CNTNAP2: variants seen among roughly 807,000 people sequenced by gnomAD.
CNTNAP2 encodes the protein contactin-associated protein-like 2.
Under a neutral mutation model 155.2 loss-of-function variants are expected in CNTNAP2, and 98 were observed. The observed-to-expected ratio is 0.63, with a 90% confidence interval of 0.54 to 0.75. The LOEUF (loss-of-function observed/expected upper bound fraction) is 0.75. Ranked by LOEUF, CNTNAP2 falls within the 30% of genes least tolerant of loss-of-function variation. CNTNAP2 has a pLI of 0.00. For synonymous variants in CNTNAP2, 651 were observed against 631.2 expected, an observed-to-expected ratio of 1.03 and a Z score of -0.47; for missense variants, 1,727 against 1,688.1, an observed-to-expected ratio of 1.02 and a Z score of -0.40.
intron 1 of CNTNAP2, among the ~76,000 whole-genome samples, chr7:146,266,708 T>C (rs1410285756): frequency 6.6e-6 from 1 of 152,072 alleles, no homozygotes; most frequent in African/African-American, 2.4e-5. Context: ...AAGGAAAGAC[T>C]GTTCTAAGGA....
chr7:147,194,333 G>A (rs1366970902), intron 8 of CNTNAP2, among the ~76,000 whole-genome samples: 1 of 152,068 alleles, frequency 6.6e-6, no homozygotes, highest in Non-Finnish European at 1.5e-5. Context: ...GTCTATCATT[G>A]ATGGGCATTT....
At position 147,743,158 on chromosome 7, in the gene CNTNAP2, T is replaced by C. The variant is rs538361091; in HGVS notation, c.2098+103852T>C. Among the ~76,000 whole-genome samples the C allele has an allele frequency of 2.0e-5, 3 of 152,220 alleles. No individual in the cohort carries two copies. In the East Asian group the frequency reaches 5.8e-4, roughly 29 times the overall value. On this transcript the variant is annotated intron_variant, in intron 13 of 23. Coordinates refer to ENST00000361727, the MANE Select transcript of CNTNAP2 (RefSeq NM_014141.6). ...ATAGTCAGCTGCTTTAATTTAGGAG[T>C]AACACGAGAATGGGCCAGCCCCTAG...
intron 13 of CNTNAP2, among the ~76,000 whole-genome samples, chr7:147,769,721 T>C (rs1019622092): frequency 6.6e-6 from 1 of 152,172 alleles, no homozygotes; most frequent in African/African-American, 2.4e-5. Context: ...TATTAACATT[T>C]TTGTTTGCAT....
chr7:146,785,679 C>T lies in CNTNAP2; in HGVS notation c.208+11298C>T, dbSNP rs182513054. On this transcript the variant is annotated intron_variant, in intron 2 of 23. Coordinates refer to ENST00000361727, the MANE Select transcript of CNTNAP2 (RefSeq NM_014141.6). The stretch of plus-strand genomic sequence containing the variant: ...ATAGCAGATGAGTAACAACAACCAA[C>T]GCAATTATCATCATAAATAAACTAG... 5.3e-5 allele frequency among the ~76,000 whole-genome samples: 8 copies of T among 152,090 alleles called. No individual in the cohort carries two copies. The South Asian group carries it at 1.0e-3, about 20-fold the overall frequency.
rs547561485 is a variant in CNTNAP2, at chr7:146,462,352, G to C, written c.98-311919G>C. On this transcript the variant is annotated intron_variant, in intron 1 of 23. Transcript: ENST00000361727. ...TGAATGAGAATTAGTATGTTTACTA[G>C]CTCTGACTCATATGCAGAACCCTGA... Among the ~76,000 whole-genome samples, 136 of 151,990 alleles carry C rather than the reference G, an allele frequency of 8.9e-4. 1 individual carries two copies. Among genetic ancestry groups the C allele is most frequent in the Non-Finnish European group, 1.6e-3 (112 of 67,960 alleles).
At position 146,947,541 on chromosome 7, in the gene CNTNAP2, GTA is replaced by G. The variant is rs1167696947; in HGVS notation, c.403-96364_403-96363del. Among the ~76,000 whole-genome samples the G allele has an allele frequency of 2.3e-4, 18 of 76,674 alleles. 1 individual carries two copies. Among genetic ancestry groups the G allele is most frequent in the South Asian group, 1.8e-3 (4 of 2,176 alleles). 50.3% of individuals were successfully genotyped at this position (76,674 alleles called of 152,430 possible). A position where few individuals can be genotyped will look rare whatever the true frequency, so the allele number is the denominator to read the frequency against. ...AGTGTGTATGTATGTGTGTGTGTGT[GTA>G]TGTGTGTGTGTGTGTATATATATAT... On this transcript the variant is annotated intron_variant, in intron 3 of 23. Coordinates refer to ENST00000361727, the MANE Select transcript of CNTNAP2 (RefSeq NM_014141.6).
chr7:146,377,226 C>T (rs1795316031), intron 1 of CNTNAP2, among the ~76,000 whole-genome samples: 1 of 152,244 alleles, frequency 6.6e-6, no homozygotes, highest in South Asian at 2.1e-4. Flanking sequence ...GCAATGTGCT[C>T]TCTTTTGTAC....
intron 8 of CNTNAP2, among the ~76,000 whole-genome samples, chr7:147,204,306 G>A (rs1802977352): frequency 6.6e-6 from 1 of 151,944 alleles, no homozygotes; most frequent in Admixed American, 6.5e-5. Flanking sequence ...TAAAAATGTT[G>A]CATTTAAATT....
intron 3 of CNTNAP2, among the ~76,000 whole-genome samples, chr7:146,971,057 G>T (rs975918900): frequency 1.3e-5 from 2 of 152,088 alleles, no homozygotes; most frequent in African/African-American, 2.4e-5. Context: ...TCTGCAGACT[G>T]TTGTGGGGTT....
At chr7:146,173,992 A>T (rs74876820) in intron 1 of CNTNAP2, among the ~76,000 whole-genome samples, 5,034 of 152,178 alleles carry the variant, frequency 0.033, 279 homozygotes, top group African/African-American at 0.12. Flanking sequence ...GGATCATTTG[A>T]AGTTAGGAGT....
chr7:147,061,978 T>G (rs368136920), intron 4 of CNTNAP2, among the ~76,000 whole-genome samples: 2 of 149,972 alleles, frequency 1.3e-5, no homozygotes, highest in African/African-American at 4.9e-5. Context: ...AATACAAAAA[T>G]TTAGCCAGGC....
At chr7:146,352,750 G>GTTTTGTTTTTTTTT (rs1794934626) in intron 1 of CNTNAP2, among the ~76,000 whole-genome samples, 1 of 64,338 alleles carries the variant, frequency 1.6e-5, no homozygotes, top group Non-Finnish European at 2.9e-5. Flanking sequence ...GCATAATTCT[G>GTTTTGTTTTTTTTT]TTTTTTTTTT....
intron 21 of CNTNAP2, among the ~76,000 whole-genome samples, chr7:148,314,021 G>A (rs982122537): frequency 2.0e-5 from 3 of 152,100 alleles, no homozygotes; most frequent in East Asian, 1.9e-4. Context: ...GTCACTGAAC[G>A]AAACTGTAAG....
chr7:147,586,548 AGGG>A (rs1800628022), intron 12 of CNTNAP2, among the ~76,000 whole-genome samples: 10 of 26,740 alleles, frequency 3.7e-4, no homozygotes, highest in Admixed American at 3.0e-3. Flanking sequence ...GAAGGAAGGG[AGGG>A]AGGGAGGGAG....
chr7:148,242,517 C>A (rs1399066258), intron 20 of CNTNAP2, among the ~76,000 whole-genome samples: 2 of 152,192 alleles, frequency 1.3e-5, no homozygotes, highest in African/African-American at 2.4e-5. Flanking sequence ...GTGAAACTGG[C>A]TTGGGTGTGG....
At chr7:146,649,954 C>T (rs1799879341) in intron 1 of CNTNAP2, among the ~76,000 whole-genome samples, 1 of 152,024 alleles carries the variant, frequency 6.6e-6, no homozygotes, top group Admixed American at 6.6e-5. Flanking sequence ...AAATCAAAAC[C>T]ACAGTGGGGT....
intron 1 of CNTNAP2, among the ~76,000 whole-genome samples, chr7:146,307,105 CT>C (rs1352517594): frequency 6.6e-6 from 1 of 152,176 alleles, no homozygotes; most frequent in African/African-American, 2.4e-5. Context: ...CCAAAATCTC[CT>C]TAAGCTGATA....
At chr7:147,282,374 T>C (rs985035096) in intron 8 of CNTNAP2, among the ~76,000 whole-genome samples, 1 of 151,976 alleles carries the variant, frequency 6.6e-6, no homozygotes, top group South Asian at 2.1e-4. Context: ...GGAAAGTCAC[T>C]GTCATTGTGA....
intron 1 of CNTNAP2, among the ~76,000 whole-genome samples, chr7:146,694,897 A>G (rs549995241): frequency 8.6e-5 from 13 of 151,658 alleles, no homozygotes; most frequent in Non-Finnish European, 1.5e-4. Flanking sequence ...CTGAGTGTTC[A>G]TTGCTGGTAT....
Sources: allele counts gnomAD v4.1 joint callset (sites outside exome capture counted in the v4.1 genomes callset), GRCh38; gene constraint gnomAD v4.1.1; transcripts MANE v1.5; gene names NCBI Gene and HGNC (gene_info 2026-07-23, HGNC 2026-07-21).